Variants in HECTD4 observed in about 807,000 individuals in gnomAD.
HECTD4 encodes HECT domain E3 ubiquitin protein ligase 4.
Under a neutral mutation model 471.5 loss-of-function variants are expected in HECTD4, and 114 were observed. The observed-to-expected ratio is 0.24, with a 90% CI of 0.21 to 0.28. The LOEUF is 0.28. Ranked by LOEUF, HECTD4 falls within the 10% of genes least tolerant of loss-of-function variation. The pLI is 1.00. For missense variants in HECTD4, 3,866 were observed against 5,651.5 expected, an observed-to-expected ratio of 0.68 and a Z score of 10.13; for synonymous variants, 2,012 against 2,256.0, an observed-to-expected ratio of 0.89 and a Z score of 3.07.
intron 1 of HECTD4, among the ~76,000 whole-genome samples, chr12:112,326,228 GT>G (rs1372561420): frequency 6.6e-6 from 1 of 152,216 alleles, no homozygotes; most frequent in Non-Finnish European, 1.5e-5. Flanking sequence ...CAGGCCAGCT[GT>G]GATGGCTCAC....
intron 1 of HECTD4, among the ~76,000 whole-genome samples, chr12:112,325,112 C>A (rs1437589250): frequency 6.6e-6 from 1 of 152,212 alleles, no homozygotes; most frequent in South Asian, 2.1e-4. Flanking sequence ...ATGTGTATGA[C>A]AAAATCTGTT....
rs1421281102 is a variant in HECTD4 at position 112,270,373 on chromosome 12, T to C, written c.2029A>G (p.Thr677Ala). 3 of 1,613,910 alleles carry C rather than the reference T, an allele frequency of 1.9e-6. No individual in the cohort carries two copies. The highest frequency in any genetic ancestry group is 1.7e-5 in the Admixed American group (1 of 60,008). Residue 677 changes from threonine (T) to alanine (A), a missense_variant, in exon 12 of 76, where the codon ACC becomes GCC. Transcript: ENST00000682272. The stretch of plus-strand genomic sequence containing the variant: ...CTTGTGATTGGAAGATTGGGGTTGG[T>C]GGCAAGAAGATTGAGTTGGTGTATG... ...MCIHQLNLLA[T>A]NPNLPITSVL... is the part of the protein sequence containing the mutation.
intron 1 of HECTD4, among the ~76,000 whole-genome samples, chr12:112,364,027 G>A (rs974382182): frequency 2.8e-5 from 4 of 144,560 alleles, no homozygotes; most frequent in South Asian, 2.2e-4. Context: ...ATCAAAGGTC[G>A]TGACCCCACA....
chr12:112,247,303 G>T (rs983577837), intron 28 of HECTD4, among the ~76,000 whole-genome samples, 159 bp downstream of exon 28: 1 of 152,126 alleles, frequency 6.6e-6, no homozygotes, highest in Admixed American at 6.5e-5. Context: ...ACTTTGGAAG[G>T]CTAAAACCAA....
intron 3 of HECTD4, among the ~76,000 whole-genome samples, chr12:112,314,227 G>A (rs1354530931): frequency 6.6e-6 from 1 of 151,850 alleles, no homozygotes; most frequent in Non-Finnish European, 1.5e-5. Context: ...ACCAGCTATT[G>A]CATTTTTAAA....
At chr12:112,191,399 C>A (rs2032074750) in intron 59 of HECTD4, among the ~76,000 whole-genome samples, 1 of 152,188 alleles carries the variant, frequency 6.6e-6, no homozygotes, top group South Asian at 2.1e-4. Context: ...AGCAAGGGGT[C>A]CCCAAGACTT....
intron 1 of HECTD4, among the ~76,000 whole-genome samples, chr12:112,370,866 C>T (rs1477827066): frequency 6.6e-6 from 1 of 152,106 alleles, no homozygotes; most frequent in Non-Finnish European, 1.5e-5. Context: ...AATTTCTCTC[C>T]TATGCATTTG....
At chr12:112,191,565 A>T (rs1165000496) in intron 59 of HECTD4, among the ~76,000 whole-genome samples, 3 of 152,208 alleles carry the variant, frequency 2.0e-5, no homozygotes, top group African/African-American at 7.2e-5. Context: ...TATAAACACC[A>T]GTCAGACAGA....
intron 52 of HECTD4, among the ~76,000 whole-genome samples, chr12:112,205,433 T>C (rs529561485): frequency 1.3e-5 from 2 of 152,072 alleles, no homozygotes; most frequent in Admixed American, 6.6e-5. Flanking sequence ...GTAGCACTGT[T>C]GGTAGATAGC....
Position 112,185,349 on chromosome 12 carries a change from T to G in HECTD4, c.9617A>C (p.Asn3206Thr), listed in dbSNP as rs1593907293. Reference protein sequence around the residue: ...GLSSSIALQLNPCLAMLMALQ... With the variant: ...GLSSSIALQLTPCLAMLMALQ... ...GGCCATCAGCATGGCCAGGCAGGGG[T>G]TCAGCTGGAGGGCGATTGAGGAGGA... is the stretch of plus-strand genomic sequence containing the variant. Residue 3206 changes from asparagine (N) to threonine (T), a missense_variant, in exon 61 of 76, where the codon AAC (asparagine) becomes ACC (threonine). This residue lies in a region of HECTD4 where 364 missense variants were observed against 413.2 expected (regional missense o/e 0.88). Transcript: ENST00000682272. The G allele has an allele frequency of 6.2e-7, 1 of 1,601,376 alleles. No homozygotes were observed.
chr12:112,231,019 A>G (rs1190466790), intron 39 of HECTD4, 197 bp from the exon 40 acceptor site: 1 of 548,730 alleles, frequency 1.8e-6, no homozygotes, highest in East Asian at 3.0e-5. Context: ...GTATCTGAAG[A>G]ACTGCCTCAA....
Position 112,284,880 on chromosome 12 carries a change from C to G in HECTD4, c.1336-1578G>C, listed in dbSNP as rs11066235. On this transcript the variant is annotated intron_variant, in intron 7 of 75. Coordinates refer to ENST00000682272, the MANE Select transcript of HECTD4 (RefSeq NM_001388303.1). Reference sequence around the variant, plus strand: ...GGGTCTTGCTCTGTCACTCAGGCTACAGTGTAGTGGTGTGATCACAGCTCA... The same window carrying G: ...GGGTCTTGCTCTGTCACTCAGGCTAGAGTGTAGTGGTGTGATCACAGCTCA... Among the ~76,000 whole-genome samples the G allele has an allele frequency of 0.056, 8,472 of 152,136 alleles. 1,290 individuals are homozygous for G. In the East Asian group the frequency reaches 0.61, roughly 11 times the overall value.
At chr12:112,271,291 GT>G (rs1337554934) in intron 11 of HECTD4, among the ~76,000 whole-genome samples, 1 of 152,178 alleles carries the variant, frequency 6.6e-6, no homozygotes, top group Non-Finnish European at 1.5e-5. Flanking sequence ...AAGTCTACAA[GT>G]TCTCTGATAT....
intron 62 of HECTD4, among the ~76,000 whole-genome samples, chr12:112,181,087 G>A (rs916216433): frequency 6.6e-6 from 1 of 151,306 alleles, no homozygotes; most frequent in Non-Finnish European, 1.5e-5. Context: ...TCCACTGCTT[G>A]AACCCGGGAG....
rs1358768934 is a variant in HECTD4, at chr12:112,173,941, T to TA, written c.11595-1081dup. Among the ~76,000 whole-genome samples, 1 of 151,698 alleles carries TA rather than the reference T, an allele frequency of 6.6e-6. No homozygotes were observed. Among genetic ancestry groups the TA allele is most frequent in the Non-Finnish European group, 1.5e-5 (1 of 67,926 alleles). On this transcript the variant is annotated intron_variant, in intron 66 of 75. Coordinates refer to ENST00000682272, the MANE Select transcript of HECTD4 (RefSeq NM_001388303.1). The surrounding 1 kb of genome is among the most constrained non-coding windows in gnomAD (Gnocchi z 4.3). The stretch of plus-strand genomic sequence containing the variant: ...TTTCTCAATTCTGAAAATGGATTTT[T>TA]AAAAAAAGCATGTTTTGGTAGCCAT...
intron 64 of HECTD4, among the ~76,000 whole-genome samples, chr12:112,177,750 G>C (rs2031507600): frequency 6.6e-6 from 1 of 152,200 alleles, no homozygotes; most frequent in East Asian, 1.9e-4. Flanking sequence ...TCCAAAATTA[G>C]TATTAAATAA....
chr12:112,339,297 C>T (rs1296463048), intron 1 of HECTD4, among the ~76,000 whole-genome samples: 1 of 120,326 alleles, frequency 8.3e-6, no homozygotes, highest in East Asian at 2.8e-4. Context: ...AATCATGTAA[C>T]ACATGCAGGG....
intron 7 of HECTD4, among the ~76,000 whole-genome samples, chr12:112,304,479 T>C (rs2035234249): frequency 1.3e-5 from 2 of 152,064 alleles, no homozygotes; most frequent in African/African-American, 4.8e-5. Context: ...CAGGCTAGTC[T>C]CTGACAGAGC....
intron 1 of HECTD4, among the ~76,000 whole-genome samples, chr12:112,338,967 G>A (rs2036006204): frequency 6.6e-6 from 1 of 151,912 alleles, no homozygotes; most frequent in African/African-American, 2.4e-5. Flanking sequence ...CCAACACTGG[G>A]GATTATAATT....
Sources: gnomAD v4.1 joint callset for allele counts (sites outside exome capture counted in the v4.1 genomes callset) on GRCh38, gnomAD v4.1.1 for gene constraint, gnomAD v4.1.1 regional missense constraint, Gnocchi (gnomAD v3.1) non-coding constraint, MANE v1.5 for transcripts, NCBI Gene and HGNC (gene_info 2026-07-23, HGNC 2026-07-21) for gene names.